ZNF469: variants seen among roughly 807,000 people sequenced by gnomAD.
ZNF469 encodes the protein zinc finger protein 469.
ZNF469 carries 1 observed loss-of-function variant against 1.0 expected under a neutral mutation model. The observed-to-expected ratio is 1.00, with a 90% CI of 0.35 to 4.73. The LOEUF is 4.73. ZNF469 is among the 30% of genes most tolerant of loss of function. The pLI, the probability that ZNF469 is intolerant of heterozygous loss-of-function variation, is 0.16. For synonymous variants in ZNF469, 2,703 were observed against 2,363.4 expected, an observed-to-expected ratio of 1.14 and a Z score of -4.17; for missense variants, 6,100 against 5,356.3, an observed-to-expected ratio of 1.14 and a Z score of -4.33.
the ZNF469 span, among the ~76,000 whole-genome samples, chr16:88,218,658 A>G: frequency 6.7e-6 from 1 of 149,850 alleles, no homozygotes; most frequent in Non-Finnish European, 1.5e-5. Flanking sequence ...CACAGCCAAT[A>G]TCATACTGAA....
intron 1 of ZNF469, among the ~76,000 whole-genome samples, chr16:88,414,712 G>C (rs1419700404): frequency 1.3e-5 from 2 of 152,242 alleles, no homozygotes; most frequent in Non-Finnish European, 2.9e-5. Context: ...CGTCCCAGTG[G>C]GGGGTAACTT....
At chr16:88,108,754 G>A in the ZNF469 span, among the ~76,000 whole-genome samples, 48 of 152,294 alleles carry the variant, frequency 3.2e-4, 1 homozygote, top group South Asian at 9.5e-3. Context: ...CTGAGGCTAG[G>A]TCATCATGGG....
chr16:88,342,096 G>A, the ZNF469 span, among the ~76,000 whole-genome samples: 1 of 150,908 alleles, frequency 6.6e-6, no homozygotes, highest in African/African-American at 2.4e-5. Context: ...TGGGGACGAA[G>A]AAGGCCGGTG....
At chr16:88,389,241 G>A (rs570088476) in intron 1 of ZNF469, among the ~76,000 whole-genome samples, 9 of 152,324 alleles carry the variant, frequency 5.9e-5, no homozygotes, top group Non-Finnish European at 1.3e-4. Flanking sequence ...TGGACACTTC[G>A]AGTACGTGGT....
At chr16:88,111,554 C>T in the ZNF469 span, among the ~76,000 whole-genome samples, 2 of 152,134 alleles carry the variant, frequency 1.3e-5, no homozygotes, top group African/African-American at 4.8e-5. Context: ...CCTGTGGTAA[C>T]CCTCCTTCCA....
the ZNF469 span, among the ~76,000 whole-genome samples, chr16:88,240,343 A>G: frequency 6.6e-6 from 1 of 152,044 alleles, no homozygotes; most frequent in Non-Finnish European, 1.5e-5. Flanking sequence ...GGGAAGAGAG[A>G]GAGATTTGGA....
chr16:88,307,454 C>A, the ZNF469 span, among the ~76,000 whole-genome samples: 184 of 152,352 alleles, frequency 1.2e-3, no homozygotes, highest in Non-Finnish European at 2.3e-3. Context: ...ATCTTACATT[C>A]CCACGGGCAG....
At chr16:88,411,005 C>T (rs999074011) in intron 1 of ZNF469, among the ~76,000 whole-genome samples, 2 of 152,212 alleles carry the variant, frequency 1.3e-5, no homozygotes, top group Non-Finnish European at 2.9e-5. Context: ...CTGCGTCCGT[C>T]TCCCTTCTCT....
chr16:88,342,189 C>T, the ZNF469 span, among the ~76,000 whole-genome samples: 1 of 152,108 alleles, frequency 6.6e-6, no homozygotes, highest in Non-Finnish European at 1.5e-5. Flanking sequence ...GGTCTGGGCT[C>T]GGTCTCCACC....
At chr16:88,318,300 G>A in the ZNF469 span, among the ~76,000 whole-genome samples, 1 of 152,318 alleles carries the variant, frequency 6.6e-6, no homozygotes, top group Non-Finnish European at 1.5e-5. Flanking sequence ...ACATTCGGCA[G>A]GGGCTGCCCT....
At chr16:88,371,556 G>A in the ZNF469 span, among the ~76,000 whole-genome samples, 1 of 152,188 alleles carries the variant, frequency 6.6e-6, no homozygotes, top group East Asian at 1.9e-4. Flanking sequence ...TGTAGAGGCA[G>A]AGCTCCACCC....
At chr16:88,151,068 C>T in the ZNF469 span, among the ~76,000 whole-genome samples, 3,529 of 152,362 alleles carry the variant, frequency 0.023, 140 homozygotes, top group African/African-American at 0.081. The surrounding 1 kb of genome is among the most constrained non-coding windows in gnomAD (Gnocchi z 5.4). Flanking sequence ...AGAGCCAGCA[C>T]CCGTCCAGGT....
the ZNF469 span, among the ~76,000 whole-genome samples, chr16:88,163,644 GGATGGATGGA>G: frequency 6.6e-6 from 1 of 151,254 alleles, no homozygotes; most frequent in African/African-American, 2.4e-5. Context: ...ATGGATGGAT[GGATGGATGGA>G]TAGTTGGGTA....
the ZNF469 span, among the ~76,000 whole-genome samples, chr16:88,166,959 G>A: frequency 6.6e-6 from 1 of 151,986 alleles, no homozygotes; most frequent in East Asian, 1.9e-4. This position sits in a 1 kb window ranked among gnomAD's most constrained non-coding sequence, Gnocchi z 4.5. Flanking sequence ...CGAGCTCACG[G>A]TGTGCAGGTG....
the ZNF469 span, among the ~76,000 whole-genome samples, chr16:88,208,609 G>C: frequency 1.5e-5 from 1 of 67,380 alleles, no homozygotes; most frequent in Non-Finnish European, 3.2e-5. Context: ...GGGAGGCAGG[G>C]AGGGAGGGAG....
intron 1 of ZNF469, among the ~76,000 whole-genome samples, chr16:88,402,782 G>T (rs1249550240): frequency 1.3e-5 from 2 of 152,164 alleles, no homozygotes; most frequent in African/African-American, 2.4e-5. Flanking sequence ...TGATGAGCTG[G>T]GTTCATCTCC....
In ZNF469 at chr16:88,434,126, G is replaced by T. The variant is rs934639667; in HGVS notation, c.6656G>T (p.Gly2219Val). ...GCTGGTTGCCTTCTCCAGGGGGAGG[G>T]CAGCCCCCTGGAAGACCCTTCCTCC... ...ALAGCLLQGE[G>V]SPLEDPSSWP... Residue 2219 changes from glycine to valine, a missense_variant, in exon 3 of 3, where the codon GGC (glycine) becomes GTC (valine). By Grantham distance (109) the Gly-to-Val change is moderately radical. Transcript: ENST00000565624. 1 of 1,550,320 alleles carries T rather than the reference G, an allele frequency of 6.5e-7. No individual in the cohort carries two copies. The highest frequency in any genetic ancestry group is 8.7e-7 in the Non-Finnish European group (1 of 1,146,954).
Position 88,433,951 on chromosome 16 carries a change from G to T in ZNF469, c.6481G>T (p.Gly2161Cys). The T allele has an allele frequency of 6.5e-7, 1 of 1,550,162 alleles. No individual in the cohort carries two copies. Among genetic ancestry groups the T allele is most frequent in the Non-Finnish European group, 8.7e-7 (1 of 1,146,902 alleles). Reference sequence around the variant, plus strand: ...ATCTCCGTCCTGCAGGGACCCTCCCGGCCCCCAGCAGCTGCTGGCCTGTTC... The same window carrying T: ...ATCTCCGTCCTGCAGGGACCCTCCCTGCCCCCAGCAGCTGCTGGCCTGTTC... ...PASPSCRDPPGPQQLLACSPA... is the reference protein window; with the variant it reads ...PASPSCRDPPCPQQLLACSPA... Residue 2161 changes from glycine to cysteine, a missense_variant, in exon 3 of 3, where the codon GGC becomes TGC. By Grantham distance (159) the Gly-to-Cys change is radical. Coordinates refer to ENST00000565624, the MANE Select transcript of ZNF469 (RefSeq NM_001367624.2).
intron 1 of ZNF469, among the ~76,000 whole-genome samples, chr16:88,383,591 G>T (rs1380718621): frequency 6.6e-6 from 1 of 150,474 alleles, no homozygotes; most frequent in African/African-American, 2.4e-5. Flanking sequence ...CGAGGGCCGC[G>T]GAGCGAGGGG....
Sources: allele counts gnomAD v4.1 joint callset (sites outside exome capture counted in the v4.1 genomes callset), GRCh38; gene constraint gnomAD v4.1.1; non-coding constraint Gnocchi (gnomAD v3.1); transcripts MANE v1.5; gene names NCBI Gene and HGNC (gene_info 2026-07-23, HGNC 2026-07-21).